RTEL1: variants seen among roughly 807,000 people sequenced by gnomAD.
RTEL1 encodes regulator of telomere elongation helicase 1, also known as regulator of telomere length.
Under a neutral mutation model 162.2 loss-of-function variants are expected in RTEL1, and 86 were observed. That is an observed-to-expected ratio of 0.53 (90% CI 0.45 to 0.63). RTEL1 has a LOEUF of 0.63. RTEL1 is among the 30% of genes least tolerant of loss of function. The pLI is 0.00. For missense variants in RTEL1, 1,941 were observed against 1,750.2 expected (o/e 1.11, Z -1.95); for synonymous variants, 958 against 717.9 (o/e 1.33, Z -5.35).
chr20:63,679,236 G>T (rs1263264712), intron 12 of RTEL1, among the ~76,000 whole-genome samples: 1 of 152,194 alleles, frequency 6.6e-6, no homozygotes, highest in African/African-American at 2.4e-5. Context: ...CCGAGGTGGA[G>T]CGTGTTCTGC....
At chr20:63,683,777 G>A (rs1355152131) in intron 14 of RTEL1, among the ~76,000 whole-genome samples, 6 of 152,086 alleles carry the variant, frequency 3.9e-5, no homozygotes, top group African/African-American at 7.2e-5. Flanking sequence ...TTCCAGGAAC[G>A]GTCGTCACGC....
At chr20:63,687,854 C>T (rs1036882706) in intron 17 of RTEL1, 83 bp from the exon 18 acceptor site, 139 of 1,565,698 alleles carry the variant, frequency 8.9e-5, no homozygotes, top group Admixed American at 1.5e-4. Flanking sequence ...CCCCATGAGC[C>T]GGGTGCTGGG....
chr20:63,693,175 C>G lies in RTEL1; in HGVS notation c.2884C>G (p.Gln962Glu). ...FYQFVRPHHK[Q>E]QFEEVCIQLT... The stretch of plus-strand genomic sequence containing the variant: ...CCAGTTTGTGCGGCCCCACCATAAG[C>G]AGCAGTTTGAGGAGGTCTGTATCCA... Residue 962 changes from glutamine to glutamate, a missense_variant, in exon 30 of 35, where the codon CAG becomes GAG. Transcript: ENST00000360203. The G allele has an allele frequency of 6.2e-7, 1 of 1,612,206 alleles. No individual in the cohort carries two copies. Among genetic ancestry groups the G allele is most frequent in the Non-Finnish European group, 8.5e-7 (1 of 1,179,562 alleles).
chr20:63,676,896 T>C (rs111422645), intron 10 of RTEL1, among the ~76,000 whole-genome samples: 2,096 of 127,994 alleles, frequency 0.016, 50 homozygotes, highest in African/African-American at 0.061. Flanking sequence ...GATCGCACCA[T>C]TGCACTCCAG....
intron 14 of RTEL1, among the ~76,000 whole-genome samples, chr20:63,683,010 C>A (rs2090509401): frequency 6.6e-6 from 1 of 152,182 alleles, no homozygotes; most frequent in Non-Finnish European, 1.5e-5. Context: ...GTCACCCCGG[C>A]TGGAGTGCAG....
rs2090945719 is a variant in RTEL1, at chr20:63,695,231, C to T, written c.3499+10C>T. The stretch of plus-strand genomic sequence containing the variant: ...AGGGCTCCCCAACCAGGTAGGGCAC[C>T]TGCCTGGCTGCTCCTGGCAGCGCCC... On this transcript the variant is annotated intron_variant, in intron 33 of 34. Coordinates refer to ENST00000360203, the MANE Select transcript of RTEL1 (RefSeq NM_001283009.2). The T allele has an allele frequency of 6.2e-7, 1 of 1,609,648 alleles. No homozygotes were observed. Among genetic ancestry groups the T allele is most frequent in the Admixed American group, 1.7e-5 (1 of 59,922 alleles).
rs1388793610 is a variant in RTEL1 at position 63,668,224 on chromosome 20, A to G, written c.699+671A>G. Among the ~76,000 whole-genome samples, 1 of 151,686 alleles carries G rather than the reference A, an allele frequency of 6.6e-6. No individual in the cohort carries two copies. The highest frequency in any genetic ancestry group is 1.5e-5 in the Non-Finnish European group (1 of 67,966). ...CCTGCTTTTGTGCCCCACACTTTTT[A>G]CTTAGTGCAGGTGGGATCACACGCC... On this transcript the variant is annotated intron_variant, in intron 8 of 34. Coordinates refer to ENST00000360203, the MANE Select transcript of RTEL1 (RefSeq NM_001283009.2). The surrounding 1 kb of genome is among the most constrained non-coding windows in gnomAD (Gnocchi z 4.3).
intron 15 of RTEL1, 55 bp from the exon 16 acceptor site, chr20:63,685,736 G>A (rs2090577803): frequency 1.3e-6 from 2 of 1,592,576 alleles, no homozygotes; most frequent in Admixed American, 1.8e-5. Flanking sequence ...AAAGGTAAGG[G>A]GCTGCCCCCA....
At chr20:63,673,084 G>A (rs905906755) in intron 9 of RTEL1, among the ~76,000 whole-genome samples, 8 of 149,608 alleles carry the variant, frequency 5.3e-5, no homozygotes, top group African/African-American at 2.0e-4. Flanking sequence ...GTGACAAAGC[G>A]GGATTCTGTG....
At chr20:63,672,877 C>CT (rs1330472746) in intron 9 of RTEL1, among the ~76,000 whole-genome samples, 1 of 152,262 alleles carries the variant, frequency 6.6e-6, no homozygotes, top group Admixed American at 6.5e-5. Flanking sequence ...TCACCAGACC[C>CT]TTTCCCTCCA....
rs115547608 is a variant in RTEL1, at chr20:63,668,555, G to C, written c.699+1002G>C. On this transcript the variant is annotated intron_variant, in intron 8 of 34. Transcript: ENST00000360203. The surrounding 1 kb of genome is among the most constrained non-coding windows in gnomAD (Gnocchi z 4.3). ...GGCGGGAGGTGGGGAATGCTGGTGG[G>C]TCTGAGGGGAGCCTCAGCAGGTGCA... Among the ~76,000 whole-genome samples, 533 of 152,284 alleles carry C rather than the reference G, an allele frequency of 3.5e-3. 2 individuals carry two copies. Among genetic ancestry groups the C allele is most frequent in the African/African-American group, 0.012 (496 of 41,536 alleles).
At position 63,685,508 on chromosome 20, in the gene RTEL1, TC is replaced by T. The variant is rs1568703281; in HGVS notation, c.1192-13del. On this transcript the variant is annotated splice_polypyrimidine_tract_variant and intron_variant, in intron 14 of 34. Transcript: ENST00000360203. ...CTCAGGCTCCTGACGGGGCTGCACT[TC>T]CTCTGCCTTTCAGATTGTGTTCAGT... is the stretch of plus-strand genomic sequence containing the variant. The T allele has an allele frequency of 3.1e-6, 5 of 1,611,752 alleles. No homozygotes were observed. The highest frequency in any genetic ancestry group is 4.2e-6 in the Non-Finnish European group (5 of 1,179,630).
At position 63,690,074 on chromosome 20, in the gene RTEL1, G is replaced by A; in HGVS notation, c.2142-13G>A. 6.2e-7 allele frequency: 1 copy of A among 1,609,118 alleles called. No homozygotes were observed. Among genetic ancestry groups the A allele is most frequent in the Non-Finnish European group, 8.5e-7 (1 of 1,179,270 alleles). On this transcript the variant is annotated splice_polypyrimidine_tract_variant and intron_variant, in intron 24 of 34. Coordinates refer to ENST00000360203, the MANE Select transcript of RTEL1 (RefSeq NM_001283009.2). Reference sequence around the variant, plus strand: ...GCTGTGGGCAGGGCAGCAGGGCTATGGCCACCCCCCAGGTTCGCCTTTGCC... The same window carrying A: ...GCTGTGGGCAGGGCAGCAGGGCTATAGCCACCCCCCAGGTTCGCCTTTGCC...
chr20:63,687,786 G>A lies in RTEL1; in HGVS notation c.1481+16G>A, dbSNP rs1162794739. On this transcript the variant is annotated intron_variant, in intron 17 of 34. Coordinates refer to ENST00000360203, the MANE Select transcript of RTEL1 (RefSeq NM_001283009.2). ...AGATGCAGATGTACGGGCCACCCCT[G>A]CCAGGGCCTGAGCACCGGTGACACC... 2 of 1,561,084 alleles carry A rather than the reference G, an allele frequency of 1.3e-6. No individual in the cohort carries two copies. Among genetic ancestry groups the A allele is most frequent in the Non-Finnish European group, 1.7e-6 (2 of 1,153,232 alleles).
intron 10 of RTEL1, among the ~76,000 whole-genome samples, chr20:63,676,069 T>C (rs2090343379): frequency 6.6e-6 from 1 of 152,006 alleles, no homozygotes; most frequent in African/African-American, 2.4e-5. Context: ...CATCCCTATC[T>C]GTTCCCCCAC....
At chr20:63,692,087 G>A (rs1318413620) in intron 28 of RTEL1, 1 of 471,116 alleles carries the variant, frequency 2.1e-6, no homozygotes, top group Non-Finnish European at 3.9e-6. Flanking sequence ...TGCAGCACTG[G>A]GCTTGGCCCT....
rs764303844 is a variant in RTEL1 at position 63,694,956 on chromosome 20, G to A, written c.3325G>A (p.Asp1109Asn). The change falls in exon 32 of 35, where the codon GAC (aspartate) becomes AAC (asparagine). Residue 1109 changes from aspartate to asparagine, a missense_variant. Coordinates refer to ENST00000360203, the MANE Select transcript of RTEL1 (RefSeq NM_001283009.2). Reference protein sequence around the residue: ...LAALTTAKPEDFPLLHRFSMF... With the variant: ...LAALTTAKPENFPLLHRFSMF... ...CGCCCTGACCACTGCAAAGCCAGAGGACTTCCCCCTGCTGCACAGCAAGTG... is the reference window on the plus strand; with the variant it reads ...CGCCCTGACCACTGCAAAGCCAGAGAACTTCCCCCTGCTGCACAGCAAGTG... The A allele has an allele frequency of 8.7e-6, 14 of 1,612,414 alleles. No homozygotes were observed. Among genetic ancestry groups the A allele is most frequent in the East Asian group, 6.7e-5 (3 of 44,892 alleles).
chr20:63,685,497 G>C, intron 14 of RTEL1, 26 bp from the exon 15 acceptor site: 1 of 1,609,100 alleles, frequency 6.2e-7, no homozygotes, highest in Non-Finnish European at 8.5e-7. Context: ...GGCTCCTGAC[G>C]GGGCTGCACT....
chr20:63,663,074 G>A (rs2090052967), intron 6 of RTEL1, 185 bp downstream of exon 6: 1 of 645,166 alleles, frequency 1.5e-6, no homozygotes. Context: ...AGCTCACACA[G>A]TGGTCTGAGA....
Sources: gnomAD v4.1 joint callset for allele counts (sites outside exome capture counted in the v4.1 genomes callset) on GRCh38, gnomAD v4.1.1 for gene constraint, Gnocchi (gnomAD v3.1) non-coding constraint, MANE v1.5 for transcripts, NCBI Gene and HGNC (gene_info 2026-07-23, HGNC 2026-07-21) for gene names.